The following CNTNAP2 variants were observed in gnomAD, a reference collection of about 807,000 sequenced individuals.
The protein encoded by CNTNAP2 is contactin-associated protein-like 2.
A neutral mutation model predicts 155.2 loss-of-function variants in CNTNAP2; 98 were observed. That is an observed-to-expected ratio of 0.63 (90% CI 0.54 to 0.75). The LOEUF (loss-of-function observed/expected upper bound fraction) is 0.75, where lower values mean the gene tolerates loss of function less well. Ranked by LOEUF, CNTNAP2 falls within the 30% of genes least tolerant of loss-of-function variation. The probability of loss-of-function intolerance (pLI) is 0.00; values close to 1 mark genes in which losing one functional copy is unlikely to be tolerated. For synonymous variants in CNTNAP2, 651 were observed against 631.2 expected (o/e 1.03, Z -0.47); for missense variants, 1,727 against 1,688.1 (o/e 1.02, Z -0.40).
chr7:148,014,246 T>C (rs1312315319), intron 15 of CNTNAP2: 1 of 147,036 alleles, frequency 6.8e-6, no homozygotes, highest in Non-Finnish European at 1.5e-5. Flanking sequence ...TTGAACATGA[T>C]TTTTTAAAAG....
intron 1 of CNTNAP2, among the ~76,000 whole-genome samples, chr7:146,650,944 C>A (rs1305053000): frequency 6.6e-6 from 1 of 151,958 alleles, no homozygotes; most frequent in African/African-American, 2.4e-5. Flanking sequence ...TGCTTGAGCC[C>A]AGGAGTTCAA....
At chr7:146,741,393 C>T (rs1801713923) in intron 1 of CNTNAP2, among the ~76,000 whole-genome samples, 1 of 152,072 alleles carries the variant, frequency 6.6e-6, no homozygotes, top group Non-Finnish European at 1.5e-5. Context: ...TATTATCATC[C>T]ACAGGAGAAT....
At chr7:146,241,964 T>C (rs1286863046) in intron 1 of CNTNAP2, among the ~76,000 whole-genome samples, 2 of 152,152 alleles carry the variant, frequency 1.3e-5, no homozygotes, top group East Asian at 1.9e-4. Context: ...CAAAATAGGA[T>C]TGAAATTTTA....
chr7:147,275,177 T>A (rs1804867994), intron 8 of CNTNAP2, among the ~76,000 whole-genome samples: 1 of 152,160 alleles, frequency 6.6e-6, no homozygotes, highest in South Asian at 2.1e-4. Context: ...TTAGAATTTT[T>A]TTTTCTTATT....
chr7:148,399,960 A>G (rs1307603490), intron 22 of CNTNAP2, among the ~76,000 whole-genome samples: 1 of 152,242 alleles, frequency 6.6e-6, no homozygotes, highest in Non-Finnish European at 1.5e-5. Context: ...CAGGTATTCA[A>G]GCACTCTGGG....
At chr7:147,764,099 A>G (rs1310135851) in intron 13 of CNTNAP2, among the ~76,000 whole-genome samples, 1 of 151,748 alleles carries the variant, frequency 6.6e-6, no homozygotes. Flanking sequence ...TTGTTCTCAA[A>G]TCTCTATCTC....
chr7:147,708,014 A>G (rs192303951), intron 13 of CNTNAP2, among the ~76,000 whole-genome samples: 31 of 152,018 alleles, frequency 2.0e-4, no homozygotes, highest in African/African-American at 6.8e-4. Flanking sequence ...GGACTGGTGG[A>G]CCTGTCCTCA....
chr7:146,951,494 G>C (rs1477872157), intron 3 of CNTNAP2, among the ~76,000 whole-genome samples: 7 of 152,110 alleles, frequency 4.6e-5, no homozygotes, highest in Non-Finnish European at 5.9e-5. Flanking sequence ...AAGGGGTCCA[G>C]TTTCGGTTTT....
intron 21 of CNTNAP2, among the ~76,000 whole-genome samples, chr7:148,344,397 C>T (rs1029466577): frequency 1.3e-5 from 2 of 152,196 alleles, no homozygotes; most frequent in East Asian, 3.8e-4. Context: ...TCACTCCAGT[C>T]CCTGCTCAGA....
chr7:147,327,735 G>A (rs2116834281), intron 9 of CNTNAP2, among the ~76,000 whole-genome samples: 1 of 152,190 alleles, frequency 6.6e-6, no homozygotes. Context: ...TATCTGTTCT[G>A]AGCTTAGTGG....
At chr7:148,305,666 G>A (rs540152980) in intron 21 of CNTNAP2, among the ~76,000 whole-genome samples, 5 of 152,190 alleles carry the variant, frequency 3.3e-5, no homozygotes, top group Non-Finnish European at 7.3e-5. Context: ...AGGAGAAAGC[G>A]AGTGAGCTGG....
chr7:148,331,560 CGGATGGAGTGGAT>C (rs1798013475), intron 21 of CNTNAP2, among the ~76,000 whole-genome samples: 2 of 8,172 alleles, frequency 2.4e-4, no homozygotes, highest in Middle Eastern at 0.071. Context: ...ATGGAATGGA[CGGATGGAGTGGAT>C]GGATGGAATG....
chr7:147,772,750 T>C (rs1797495155), intron 13 of CNTNAP2, among the ~76,000 whole-genome samples: 1 of 151,992 alleles, frequency 6.6e-6, no homozygotes, highest in Admixed American at 6.5e-5. Flanking sequence ...ACTGAATCCT[T>C]CTTCTAGCCT....
At chr7:146,764,662 AC>A (rs1177255634) in intron 1 of CNTNAP2, among the ~76,000 whole-genome samples, 2 of 152,284 alleles carry the variant, frequency 1.3e-5, no homozygotes, top group East Asian at 3.9e-4. Context: ...CAAAATTTGA[AC>A]TACTTCTCGA....
intron 12 of CNTNAP2, among the ~76,000 whole-genome samples, chr7:147,625,466 C>A (rs1458199555): frequency 2.6e-5 from 4 of 152,108 alleles, no homozygotes; most frequent in African/African-American, 9.7e-5. Context: ...ACAAGTGTTA[C>A]AAAATAATTT....
intron 8 of CNTNAP2, among the ~76,000 whole-genome samples, chr7:147,237,952 G>A (rs1333742016): frequency 1.3e-5 from 2 of 152,210 alleles, no homozygotes; most frequent in Non-Finnish European, 2.9e-5. Flanking sequence ...ATGGGATAGT[G>A]CTAATGACAA....
chr7:148,214,134 G>A lies in CNTNAP2; in HGVS notation c.3011-3154G>A, dbSNP rs551652830. Among the ~76,000 whole-genome samples, 35 of 152,214 alleles carry A rather than the reference G, an allele frequency of 2.3e-4. No individual in the cohort carries two copies. The East Asian group carries it at 6.0e-3, about 26-fold the overall frequency. On this transcript the variant is annotated intron_variant, in intron 18 of 23. Transcript: ENST00000361727. ...CTTCCACCACCCCTGTGTTCCAGGG[G>A]GCCCTGTGTCTACCTGATCCTGCAC... is the stretch of plus-strand genomic sequence containing the variant.
chr7:148,369,698 A>T (rs1319730191), intron 21 of CNTNAP2, among the ~76,000 whole-genome samples: 1 of 149,212 alleles, frequency 6.7e-6, no homozygotes, highest in African/African-American at 2.5e-5. Context: ...TGCTACATTC[A>T]CTATGAGAAA....
chr7:147,100,371 A>T (rs1800629597), intron 4 of CNTNAP2, among the ~76,000 whole-genome samples: 1 of 152,200 alleles, frequency 6.6e-6, no homozygotes, highest in African/African-American at 2.4e-5. Context: ...AATATGTAGG[A>T]GTCAATTGAT....
Sources: gnomAD v4.1 joint callset for allele counts (sites outside exome capture counted in the v4.1 genomes callset) on GRCh38, gnomAD v4.1.1 for gene constraint, MANE v1.5 for transcripts, NCBI Gene and HGNC (gene_info 2026-07-23, HGNC 2026-07-21) for gene names.